The following PCCB variants were observed in gnomAD, a reference collection of about 807,000 sequenced individuals.
PCCB encodes propionyl-CoA carboxylase beta chain, mitochondrial.
Under a neutral mutation model 60.7 loss-of-function variants are expected in PCCB, and 43 were observed. The ratio of observed to expected loss-of-function variants is 0.71; its 90% CI spans 0.55 to 0.91. PCCB has a LOEUF of 0.91. PCCB is among the 40% of genes least tolerant of loss of function. The pLI is 0.00. For synonymous variants in PCCB, 276 were observed against 255.9 expected, an observed-to-expected ratio of 1.08 and a Z score of -0.75; for missense variants, 766 against 702.8, an observed-to-expected ratio of 1.09 and a Z score of -1.02.
In PCCB at chr3:136,293,810, G is replaced by C. The variant is rs765100012; in HGVS notation, c.709G>C (p.Glu237Gln). Reference protein sequence around the residue: ...GPDVVKSVTNEDVTQEELGGA... With the variant: ...GPDVVKSVTNQDVTQEELGGA... ...TGATGTTGTGAAGTCTGTCACCAAT[G>C]AGGATGTTACCCAGGAGGAGCTCGG... The change falls in exon 7 of 15, where the codon GAG (glutamate) becomes CAG (glutamine). Residue 237 changes from glutamate to glutamine, a missense_variant. Physicochemically the swap from Glu to Gln is conservative, Grantham distance 29. Coordinates refer to ENST00000251654, the MANE Select transcript of PCCB (RefSeq NM_000532.5). The C allele has an allele frequency of 6.2e-7, 1 of 1,613,730 alleles. No homozygotes were observed. The highest frequency in any genetic ancestry group is 8.5e-7 in the Non-Finnish European group (1 of 1,179,654).
chr3:136,266,740 T>C (rs772160456), intron 5 of PCCB, among the ~76,000 whole-genome samples: 8 of 152,234 alleles, frequency 5.3e-5, no homozygotes, highest in Non-Finnish European at 1.0e-4. Context: ...TTCAGATCTT[T>C]TGTCCATCTC....
At chr3:136,313,028 T>A (rs1339075244) in intron 9 of PCCB, among the ~76,000 whole-genome samples, 2 of 152,112 alleles carry the variant, frequency 1.3e-5, no homozygotes, top group South Asian at 2.1e-4. Context: ...AAATACAAAT[T>A]CAAATTACAC....
chr3:136,305,606 G>A (rs1934428636), intron 9 of PCCB, among the ~76,000 whole-genome samples: 1 of 116,178 alleles, frequency 8.6e-6, no homozygotes, highest in African/African-American at 2.6e-5. Context: ...AAAATTAGCC[G>A]GGTGTGGTGG....
intron 5 of PCCB, among the ~76,000 whole-genome samples, chr3:136,274,586 A>C (rs964719749): frequency 6.6e-6 from 1 of 152,160 alleles, no homozygotes; most frequent in African/African-American, 2.4e-5. Flanking sequence ...AGATAGCCCG[A>C]TGACTATGTG....
chr3:136,250,532 C>T lies in PCCB; in HGVS notation c.157C>T (p.Arg53Cys), dbSNP rs1335583227. The change falls in exon 1 of 15, where the codon CGC (arginine) becomes TGC (cysteine). Residue 53 changes from arginine to cysteine, a missense_variant. Transcript: ENST00000251654. ...GACCGCGCTGCTGGGAGGGGGCCAACGCCGTATTGACGCGCAGCACAAGCG... is the reference window on the plus strand; with the variant it reads ...GACCGCGCTGCTGGGAGGGGGCCAATGCCGTATTGACGCGCAGCACAAGCG... ...RRTALLGGGQ[R>C]RIDAQHKRGK... 1 of 1,612,778 alleles carries T rather than the reference C, an allele frequency of 6.2e-7. No homozygotes were observed. The highest frequency in any genetic ancestry group is 8.5e-7 in the Non-Finnish European group (1 of 1,179,716).
At chr3:136,281,181 G>A (rs1276386857) in intron 5 of PCCB, among the ~76,000 whole-genome samples, 1 of 151,614 alleles carries the variant, frequency 6.6e-6, no homozygotes, top group Non-Finnish European at 1.5e-5. Context: ...ATCAAATGTG[G>A]GAAGTTTTCA....
chr3:136,321,668 A>T (rs1336579343), intron 10 of PCCB, among the ~76,000 whole-genome samples: 1 of 152,146 alleles, frequency 6.6e-6, no homozygotes, highest in Non-Finnish European at 1.5e-5. Flanking sequence ...CCCTCAACAC[A>T]TGGGGATTAC....
chr3:136,323,353 C>G (rs898683406), intron 10 of PCCB, among the ~76,000 whole-genome samples: 5 of 152,186 alleles, frequency 3.3e-5, no homozygotes, highest in African/African-American at 1.2e-4. Context: ...CTTCTGCCTG[C>G]TCAAATCTCC....
Position 136,261,997 on chromosome 3 carries a change from A to G in PCCB, c.475A>G (p.Asn159Asp), listed in dbSNP as rs373189621. The change falls in exon 5 of 15, where the codon AAT (asparagine) becomes GAT (aspartate). Residue 159 changes from asparagine to aspartate, a missense_variant. By Grantham distance (23) the Asn-to-Asp change is conservative. Transcript: ENST00000251654. Reference sequence around the variant, plus strand: ...GGTGGGGGCTCCAGTGATTGGGCTGAATGACTCTGGGGGAGCACGGATCCA... The same window carrying G: ...GGTGGGGGCTCCAGTGATTGGGCTGGATGACTCTGGGGGAGCACGGATCCA... ...ITVGAPVIGLNDSGGARIQEG... is the reference protein window; with the variant it reads ...ITVGAPVIGLDDSGGARIQEG... 4.4e-5 allele frequency: 68 copies of G among 1,562,406 alleles called. No homozygotes were observed. The highest frequency in any genetic ancestry group is 5.5e-5 in the Non-Finnish European group (63 of 1,152,178).
Position 136,303,007 on chromosome 3 carries a change from C to G in PCCB, c.966+1896C>G, listed in dbSNP as rs987277766. Among the ~76,000 whole-genome samples the G allele has an allele frequency of 1.1e-4, 14 of 122,380 alleles. 2 individuals carry two copies. The highest frequency in any genetic ancestry group is 3.5e-4 in the African/African-American group (14 of 40,170). 80.3% of individuals were successfully genotyped at this position (122,380 alleles called of 152,430 possible). A position where few individuals can be genotyped will look rare whatever the true frequency, so the allele number is the denominator to read the frequency against. On this transcript the variant is annotated intron_variant, in intron 9 of 14. Coordinates refer to ENST00000251654, the MANE Select transcript of PCCB (RefSeq NM_000532.5). ...GCTGAGATGGGAGGATTGCTTGAAC[C>G]CAGGTGTTTGAGGCTGTTCTGAGTT...
At chr3:136,260,216 G>A (rs1237112623) in intron 3 of PCCB, 1 of 509,766 alleles carries the variant, frequency 2.0e-6, no homozygotes, top group Non-Finnish European at 3.6e-6. Flanking sequence ...TGGGATTCCA[G>A]GCATGTGCCA....
intron 7 of PCCB, among the ~76,000 whole-genome samples, chr3:136,295,364 T>G (rs536251566): frequency 5.9e-5 from 9 of 152,334 alleles, no homozygotes; most frequent in African/African-American, 1.9e-4. Flanking sequence ...TTAGGGCTCT[T>G]GATCCCCCAC....
At chr3:136,280,252 T>C (rs1942442355) in intron 5 of PCCB, among the ~76,000 whole-genome samples, 1 of 152,252 alleles carries the variant, frequency 6.6e-6, no homozygotes, top group Admixed American at 6.5e-5. Context: ...CTCTCAGCTT[T>C]TGTTGACTTG....
At chr3:136,307,479 A>G (rs1270345289) in intron 9 of PCCB, among the ~76,000 whole-genome samples, 6 of 152,178 alleles carry the variant, frequency 3.9e-5, no homozygotes, top group Non-Finnish European at 8.8e-5. Context: ...ATCATTAAAA[A>G]CAAACTAGTT....
intron 5 of PCCB, among the ~76,000 whole-genome samples, chr3:136,267,432 C>T (rs565277997): frequency 2.0e-5 from 3 of 152,190 alleles, no homozygotes; most frequent in Admixed American, 1.3e-4. Context: ...TGGTCTCAAG[C>T]GATCTGCCTC....
chr3:136,328,155 G>T (rs1039479133), intron 13 of PCCB, among the ~76,000 whole-genome samples: 1 of 152,168 alleles, frequency 6.6e-6, no homozygotes, highest in Non-Finnish European at 1.5e-5. Context: ...CTGTAGGTCC[G>T]ACCCTAGTGA....
At chr3:136,308,374 A>G (rs1374936380) in intron 9 of PCCB, among the ~76,000 whole-genome samples, 1 of 151,892 alleles carries the variant, frequency 6.6e-6, no homozygotes, top group Non-Finnish European at 1.5e-5. Context: ...GGACATTTTC[A>G]ACTGCTAAAA....
chr3:136,325,788 C>T (rs1222094688), intron 10 of PCCB, among the ~76,000 whole-genome samples: 1 of 152,042 alleles, frequency 6.6e-6, no homozygotes, highest in Non-Finnish European at 1.5e-5. Context: ...ACCTTGAATT[C>T]TTGGGATAAA....
In PCCB at chr3:136,293,821, C is replaced by G; in HGVS notation, c.720C>G (p.Thr240=). The change falls in exon 7 of 15, where the codon ACC becomes ACG. Residue 240 remains threonine (T), a synonymous_variant. Coordinates refer to ENST00000251654, the MANE Select transcript of PCCB (RefSeq NM_000532.5). The stretch of plus-strand genomic sequence containing the variant: ...AGTCTGTCACCAATGAGGATGTTAC[C>G]CAGGAGGAGCTCGGTGGTGCCAAGA... The part of the protein sequence containing the change: ...VVKSVTNEDV[T]QEELGGAKTH... 6.2e-7 allele frequency: 1 copy of G among 1,612,784 alleles called. No homozygotes were observed. Among genetic ancestry groups the G allele is most frequent in the Non-Finnish European group, 8.5e-7 (1 of 1,178,960 alleles).
Sources: allele counts gnomAD v4.1 joint callset (sites outside exome capture counted in the v4.1 genomes callset), GRCh38; gene constraint gnomAD v4.1.1; transcripts MANE v1.5; gene names NCBI Gene and HGNC (gene_info 2026-07-23, HGNC 2026-07-21).